The following ERICH6B variants were observed in gnomAD, a reference collection of about 807,000 sequenced individuals.
ERICH6B encodes glutamate rich 6B.
A neutral mutation model predicts 80.0 loss-of-function variants in ERICH6B; 69 were observed. The ratio of observed to expected loss-of-function variants is 0.86; its 90% CI spans 0.71 to 1.05. The LOEUF (loss-of-function observed/expected upper bound fraction) is 1.05, where lower values mean the gene tolerates loss of function less well. Ranked by LOEUF, ERICH6B falls within the 50% of genes least tolerant of loss-of-function variation. The pLI is 0.00. For missense variants in ERICH6B, 754 were observed against 796.1 expected, an observed-to-expected ratio of 0.95 and a Z score of 0.64; for synonymous variants, 283 against 291.9, an observed-to-expected ratio of 0.97 and a Z score of 0.31.
At chr13:45,604,431 G>A (rs1949845580) in intron 2 of ERICH6B, among the ~76,000 whole-genome samples, 1 of 152,186 alleles carries the variant, frequency 6.6e-6, no homozygotes, top group Admixed American at 6.5e-5. Context: ...GTCAGGGGAG[G>A]CTGTGGGGAG....
intron 8 of ERICH6B, among the ~76,000 whole-genome samples, chr13:45,569,058 A>G (rs1451545420): frequency 6.6e-6 from 1 of 152,228 alleles, no homozygotes; most frequent in Non-Finnish European, 1.5e-5. Flanking sequence ...AAAGTAGCAT[A>G]GCACCTTGTG....
Position 45,606,145 on chromosome 13 carries a change from T to C in ERICH6B, c.-59+1419A>G, listed in dbSNP as rs534877024. Reference sequence around the variant, plus strand: ...AAGAACGAAGAAATAATATTTAGAGTTCCTACTTGCTAAAATGAAATTCAC... The same window carrying C: ...AAGAACGAAGAAATAATATTTAGAGCTCCTACTTGCTAAAATGAAATTCAC... On this transcript the variant is annotated intron_variant, in intron 2 of 14. Transcript: ENST00000298738. Among the ~76,000 whole-genome samples, 60 of 152,290 alleles carry C rather than the reference T, an allele frequency of 3.9e-4. 1 individual carries two copies. The highest frequency in any genetic ancestry group is 1.4e-3 in the African/African-American group (57 of 41,550).
At chr13:45,606,533 ATATATATATATATATTTTTTTTTTT>A (rs1949864916) in intron 2 of ERICH6B, among the ~76,000 whole-genome samples, 1 of 30,266 alleles carries the variant, frequency 3.3e-5, no homozygotes, top group Admixed American at 4.9e-4. Context: ...ATATATATAT[ATATATATATATATATTTTTTTTTTT>A]TTTTTTTTTT....
intron 3 of ERICH6B, among the ~76,000 whole-genome samples, chr13:45,595,060 A>G (rs1340429282): frequency 6.6e-6 from 1 of 152,228 alleles, no homozygotes; most frequent in Non-Finnish European, 1.5e-5. Flanking sequence ...CCCTTGGATG[A>G]GAAAAATCAC....
chr13:45,574,816 G>GT lies in ERICH6B; in HGVS notation c.1050+25_1050+26insA, dbSNP rs752225960. The GT allele has an allele frequency of 7.3e-6, 11 of 1,510,508 alleles. No homozygotes were observed. In the African/African-American group the frequency reaches 1.3e-4, roughly 17 times the overall value. 93.6% of individuals were successfully genotyped at this position (1,510,508 alleles called of 1,614,324 possible). A position where few individuals can be genotyped will look rare whatever the true frequency, so the allele number is the denominator to read the frequency against. On this transcript the variant is annotated intron_variant, in intron 8 of 14. Coordinates refer to ENST00000298738, the MANE Select transcript of ERICH6B (RefSeq NM_182542.3). ...CTACATTTGGAGGAAGCTGGGGGGG[G>GT]GGTCTCAAGTTTTTATCCAACTTAC...
At chr13:45,584,424 G>A (rs1014532965) in intron 5 of ERICH6B, among the ~76,000 whole-genome samples, 4 of 152,186 alleles carry the variant, frequency 2.6e-5, no homozygotes, top group Non-Finnish European at 5.9e-5. Flanking sequence ...GTCGAGAAAG[G>A]CTGAGCCATG....
chr13:45,580,746 C>T (rs988027836), intron 5 of ERICH6B, 81 bp from the exon 6 acceptor site: 2 of 1,411,194 alleles, frequency 1.4e-6, no homozygotes, highest in African/African-American at 1.4e-5. Context: ...TATGTGGGGT[C>T]CCAGGTTCTT....
At chr13:45,608,550 G>A (rs561796046) in intron 1 of ERICH6B, among the ~76,000 whole-genome samples, 219 of 152,274 alleles carry the variant, frequency 1.4e-3, no homozygotes, top group African/African-American at 5.2e-3. Flanking sequence ...CCTGTATGAT[G>A]GGTACAGCAA....
chr13:45,561,366 T>C lies in ERICH6B; in HGVS notation c.1407+3A>G. ...AAAAACAGCAATGTACTGTCCCTCT[T>C]ACCACTGTCTTCTTCTGTATCCATT... On this transcript the variant is annotated splice_donor_region_variant and intron_variant, in intron 11 of 14. Transcript: ENST00000298738. 6.4e-7 allele frequency: 1 copy of C among 1,552,018 alleles called. No individual in the cohort carries two copies. Among genetic ancestry groups the C allele is most frequent in the Admixed American group, 2.0e-5 (1 of 50,978 alleles).
At chr13:45,557,584 A>T (rs979793271) in intron 11 of ERICH6B, among the ~76,000 whole-genome samples, 8 of 152,130 alleles carry the variant, frequency 5.3e-5, no homozygotes, top group African/African-American at 1.7e-4. Flanking sequence ...TAAGTCCTTG[A>T]TCTATCTTGA....
chr13:45,596,763 C>T lies in ERICH6B; in HGVS notation c.243G>A (p.Lys81=), dbSNP rs78950901. ...CTTCCTTCCCCAGATACTCTTCCTC[C>T]TTCAAGTATTCTTCTTTCCCCAGAT... ...EEYLGKEEYL[K]EEEYLGKEEH... The change falls in exon 3 of 15, where the codon AAG becomes AAA. Residue 81 remains lysine (K), a synonymous_variant. Coordinates refer to ENST00000298738, the MANE Select transcript of ERICH6B (RefSeq NM_182542.3). The T allele has an allele frequency of 2.0e-3, 3,134 of 1,551,654 alleles. 47 individuals carry two copies. In the African/African-American group the frequency reaches 0.037, roughly 18 times the overall value.
intron 10 of ERICH6B, 35 bp downstream of exon 10, chr13:45,563,692 C>T (rs1593781507): frequency 6.5e-7 from 1 of 1,536,688 alleles, no homozygotes; most frequent in Non-Finnish European, 8.8e-7. Flanking sequence ...ACAGGAGAGC[C>T]AGCACGTGGT....
At chr13:45,584,076 T>G (rs1875793796) in intron 5 of ERICH6B, among the ~76,000 whole-genome samples, 1 of 152,252 alleles carries the variant, frequency 6.6e-6, no homozygotes, top group East Asian at 1.9e-4. Context: ...TTGAATCAGA[T>G]GAGCATTCAA....
intron 1 of ERICH6B, among the ~76,000 whole-genome samples, chr13:45,615,339 A>G (rs561941445): frequency 5.9e-4 from 90 of 152,342 alleles, no homozygotes; most frequent in African/African-American, 2.1e-3. Context: ...AAGAAGTCAT[A>G]GTATCCACAC....
At chr13:45,590,558 C>A in intron 4 of ERICH6B, 91 bp downstream of exon 4, 1 of 1,257,666 alleles carries the variant, frequency 8.0e-7, no homozygotes, top group Non-Finnish European at 1.1e-6. Flanking sequence ...CTACTCCATG[C>A]CACTCCCTGT....
chr13:45,547,833 A>G (rs1195114077), intron 13 of ERICH6B, among the ~76,000 whole-genome samples: 1 of 152,176 alleles, frequency 6.6e-6, no homozygotes, highest in Non-Finnish European at 1.5e-5. Context: ...AGATCCAAAG[A>G]ACCTAGGATT....
intron 5 of ERICH6B, among the ~76,000 whole-genome samples, chr13:45,581,880 T>A (rs1302791361): frequency 2.6e-5 from 4 of 152,194 alleles, no homozygotes; most frequent in African/African-American, 9.7e-5. Flanking sequence ...CCGGCACTTC[T>A]ACAGACAAGG....
At chr13:45,580,469 T>C (rs906333715) in intron 6 of ERICH6B, 134 bp downstream of exon 6, 1 of 844,838 alleles carries the variant, frequency 1.2e-6, no homozygotes, top group Non-Finnish European at 1.8e-6. Context: ...TTGGCCTCCA[T>C]TAAGCCTGCT....
chr13:45,569,422 G>A (rs982211482), intron 8 of ERICH6B, among the ~76,000 whole-genome samples: 1 of 152,194 alleles, frequency 6.6e-6, no homozygotes, highest in Non-Finnish European at 1.5e-5. Flanking sequence ...CACAGCACTC[G>A]TCCACAAGCT....
Sources: gnomAD v4.1 joint callset for allele counts (sites outside exome capture counted in the v4.1 genomes callset) on GRCh38, gnomAD v4.1.1 for gene constraint, MANE v1.5 for transcripts, NCBI Gene and HGNC (gene_info 2026-07-23, HGNC 2026-07-21) for gene names.